NCAM2: variants seen among roughly 807,000 people sequenced by gnomAD.
NCAM2 encodes the protein N-CAM-2.
NCAM2 carries 30 observed loss-of-function variants against 98.1 expected under a neutral mutation model. That is an observed-to-expected ratio of 0.31 (90% CI 0.23 to 0.41). NCAM2 has a LOEUF of 0.41. Among genes scored for constraint, NCAM2 ranks in the 10% least tolerant of loss-of-function variants. The probability of loss-of-function intolerance (pLI) is 1.00; values close to 1 mark genes in which losing one functional copy is unlikely to be tolerated. For missense variants in NCAM2, 867 were observed against 1,005.8 expected (o/e 0.86, Z 1.87); for synonymous variants, 368 against 342.4 (o/e 1.07, Z -0.83).
intron 6 of NCAM2, among the ~76,000 whole-genome samples, chr21:21,331,285 C>T (rs1364290499): frequency 9.9e-5 from 15 of 151,070 alleles, no homozygotes; most frequent in African/African-American, 2.7e-4. Flanking sequence ...TATAGACATG[C>T]GCCACAATGC....
At chr21:21,249,867 C>T (rs1299120065) in intron 1 of NCAM2, among the ~76,000 whole-genome samples, 5 of 152,036 alleles carry the variant, frequency 3.3e-5, no homozygotes, top group South Asian at 2.1e-4. Flanking sequence ...GATTAGACTG[C>T]GGTAAAATAT....
chr21:21,176,306 G>T (rs1455856423), intron 1 of NCAM2, among the ~76,000 whole-genome samples: 1 of 152,046 alleles, frequency 6.6e-6, no homozygotes, highest in Non-Finnish European at 1.5e-5. Context: ...TGGACCAAAA[G>T]TATCATCAGA....
chr21:21,062,737 T>C (rs576265093), intron 1 of NCAM2, among the ~76,000 whole-genome samples: 1 of 152,288 alleles, frequency 6.6e-6, no homozygotes, highest in African/African-American at 2.4e-5. Context: ...ATTTTTATAG[T>C]GATAAAGAGG....
At chr21:20,998,764 C>T in intron 1 of NCAM2, 146 bp downstream of exon 1, 1 of 814,962 alleles carries the variant, frequency 1.2e-6, no homozygotes, top group Non-Finnish European at 2.0e-6. Flanking sequence ...TTCGTTCTTT[C>T]TCCTAGCTGT....
intron 9 of NCAM2, among the ~76,000 whole-genome samples, chr21:21,381,183 T>A (rs996003687): frequency 2.6e-5 from 4 of 152,184 alleles, no homozygotes; most frequent in Non-Finnish European, 5.9e-5. Context: ...CTGGGCTACA[T>A]ACAGTCTCTG....
intron 1 of NCAM2, among the ~76,000 whole-genome samples, chr21:21,123,689 G>A (rs903070262): frequency 3.9e-5 from 6 of 151,998 alleles, no homozygotes; most frequent in African/African-American, 1.4e-4. Flanking sequence ...TGATGAGCTA[G>A]TAAATTAGAG....
intron 1 of NCAM2, among the ~76,000 whole-genome samples, chr21:21,165,499 G>T (rs1245358238): frequency 1.3e-5 from 2 of 152,030 alleles, no homozygotes; most frequent in African/African-American, 4.8e-5. Context: ...TGTGGCCCAG[G>T]GCCTCAAGCA....
intron 8 of NCAM2, among the ~76,000 whole-genome samples, chr21:21,342,099 C>A (rs2075058900): frequency 1.3e-5 from 2 of 152,168 alleles, no homozygotes; most frequent in South Asian, 4.1e-4. Context: ...GGAAGACCTT[C>A]CTCCCCATGG....
At chr21:21,202,062 A>C (rs1243099542) in intron 1 of NCAM2, among the ~76,000 whole-genome samples, 8 of 152,196 alleles carry the variant, frequency 5.3e-5, no homozygotes, top group Non-Finnish European at 1.0e-4. Flanking sequence ...CACAAGCCTT[A>C]CAGGACCTTC....
intron 9 of NCAM2, chr21:21,385,840 ATTATTT>A (rs1175022952): frequency 6.1e-6 from 1 of 164,214 alleles, no homozygotes. Context: ...ATTAGACTTA[ATTATTT>A]TATGTATAAA....
rs531060510 is a variant in NCAM2, at chr21:21,445,835, G to A, written c.1654+13554G>A. On this transcript the variant is annotated intron_variant, in intron 12 of 17. Transcript: ENST00000400546. ...TTTAGTCTGTTTACATTTAAGGTTA[G>A]TATTGTTATGTGTGAGTTTGATCCT... 1.8e-4 allele frequency among the ~76,000 whole-genome samples: 28 copies of A among 152,210 alleles called. 1 individual carries two copies. Among genetic ancestry groups the A allele is most frequent in the Admixed American group, 1.4e-3 (22 of 15,268 alleles).
In NCAM2 at chr21:21,292,239, A is replaced by G; in HGVS notation, c.617A>G (p.Asn206Ser). 2 of 1,605,254 alleles carry G rather than the reference A, an allele frequency of 1.2e-6. No homozygotes were observed. The highest frequency in any genetic ancestry group is 1.7e-6 in the Non-Finnish European group (2 of 1,176,008). ...TTCCGTGATATCATTGTTATTGTTA[A>G]TGGTAAGCAGTAAATAATTTGTACA... is the stretch of plus-strand genomic sequence containing the variant. ...IDFRDIIVIV[N>S]VPPAISMPQK... The change falls in exon 5 of 18, where the codon AAT becomes AGT. Residue 206 changes from asparagine (N) to serine (S), a missense_variant and splice_region_variant. Asn to Ser is a conservative substitution (Grantham distance 46, BLOSUM62 1). Coordinates refer to ENST00000400546, the MANE Select transcript of NCAM2 (RefSeq NM_004540.5).
chr21:21,187,541 A>G (rs1471327353), intron 1 of NCAM2, among the ~76,000 whole-genome samples: 1 of 151,858 alleles, frequency 6.6e-6, no homozygotes. Flanking sequence ...GCTCTGGGTC[A>G]TGGAGGGCTT....
chr21:21,343,148 G>A (rs2075091256), intron 8 of NCAM2, among the ~76,000 whole-genome samples: 1 of 152,140 alleles, frequency 6.6e-6, no homozygotes, highest in African/African-American at 2.4e-5. Context: ...ATAGTGTTCA[G>A]TAAACACCAA....
chr21:21,408,115 C>G (rs1569029237), intron 9 of NCAM2, among the ~76,000 whole-genome samples: 1 of 152,126 alleles, frequency 6.6e-6, no homozygotes, highest in Non-Finnish European at 1.5e-5. Context: ...TAGAAACGAT[C>G]AAATAGATGC....
At chr21:21,513,485 A>G (rs1447912169) in intron 16 of NCAM2, among the ~76,000 whole-genome samples, 6 of 151,244 alleles carry the variant, frequency 4.0e-5, no homozygotes, top group African/African-American at 9.7e-5. Context: ...TTTAATTTCC[A>G]TGTGTTTCTA....
chr21:21,438,218 A>ATG (rs1433788112), intron 12 of NCAM2, among the ~76,000 whole-genome samples: 1 of 151,692 alleles, frequency 6.6e-6, no homozygotes, highest in Non-Finnish European at 1.5e-5. Context: ...ACACTTATTG[A>ATG]TGTGTCCAAT....
intron 1 of NCAM2, among the ~76,000 whole-genome samples, chr21:21,181,321 T>C (rs751860200): frequency 6.6e-6 from 1 of 152,122 alleles, no homozygotes; most frequent in Non-Finnish European, 1.5e-5. Flanking sequence ...ATCTGTCTCT[T>C]TACCGACTTA....
chr21:21,195,009 A>G (rs1015259694), intron 1 of NCAM2, among the ~76,000 whole-genome samples: 8 of 152,292 alleles, frequency 5.3e-5, no homozygotes, highest in Middle Eastern at 3.4e-3. Flanking sequence ...TGCAGTGTTT[A>G]TATTTCTGTG....
Sources: allele counts gnomAD v4.1 joint callset (sites outside exome capture counted in the v4.1 genomes callset), GRCh38; gene constraint gnomAD v4.1.1; transcripts MANE v1.5; gene names NCBI Gene and HGNC (gene_info 2026-07-23, HGNC 2026-07-21).